Variants in COL25A1 observed in about 807,000 individuals in gnomAD.
COL25A1 encodes collagen alpha-1(XXV) chain.
Under a neutral mutation model 128.4 loss-of-function variants are expected in COL25A1, and 103 were observed. That is an observed-to-expected ratio of 0.80 (90% CI 0.68 to 0.94). COL25A1 has a LOEUF of 0.94. Among genes scored for constraint, COL25A1 ranks in the 40% least tolerant of loss-of-function variants. The pLI is 0.00. For missense variants in COL25A1, 745 were observed against 840.0 expected (o/e 0.89, Z 1.40); for synonymous variants, 279 against 277.2 (o/e 1.01, Z -0.06).
At position 109,048,697 on chromosome 4, in the gene COL25A1, A is replaced by G. The variant is rs540686269; in HGVS notation, c.413-522T>C. Among the ~76,000 whole-genome samples the G allele has an allele frequency of 3.3e-5, 5 of 152,318 alleles. No individual in the cohort carries two copies. In the South Asian group the frequency reaches 1.0e-3, roughly 32 times the overall value. ...AAAACCATCAAAACAGGCAAAGTCT[A>G]AGACAATTTTAAATATTTCACACAC... On this transcript the variant is annotated intron_variant, in intron 4 of 37. Transcript: ENST00000399132.
At chr4:109,030,284 T>C (rs1758708766) in intron 5 of COL25A1, among the ~76,000 whole-genome samples, 1 of 152,170 alleles carries the variant, frequency 6.6e-6, no homozygotes, top group African/African-American at 2.4e-5. Context: ...TTAGAATTCA[T>C]GAATCCCCAC....
intron 3 of COL25A1, among the ~76,000 whole-genome samples, chr4:109,156,241 C>T (rs759546150): frequency 6.6e-6 from 1 of 152,210 alleles, no homozygotes; most frequent in Non-Finnish European, 1.5e-5. Context: ...TTCTCAAGCA[C>T]GTTGTCTTTT....
chr4:109,108,106 T>G (rs1386709530), intron 3 of COL25A1, among the ~76,000 whole-genome samples: 1 of 152,254 alleles, frequency 6.6e-6, no homozygotes, highest in Non-Finnish European at 1.5e-5. Flanking sequence ...TGTATACATG[T>G]GCCATGTTGG....
chr4:109,025,351 A>C (rs933772515), intron 5 of COL25A1, among the ~76,000 whole-genome samples: 1 of 152,176 alleles, frequency 6.6e-6, no homozygotes, highest in African/African-American at 2.4e-5. Context: ...ATATTGAGTA[A>C]TTTGGTTTCT....
intron 6 of COL25A1, among the ~76,000 whole-genome samples, chr4:109,004,804 G>C (rs1396522993): frequency 6.6e-6 from 1 of 152,138 alleles, no homozygotes; most frequent in Non-Finnish European, 1.5e-5. Flanking sequence ...AAAGCCTGCA[G>C]TACCGTGAGC....
chr4:108,813,731 T>C lies in COL25A1; in HGVS notation c.*196A>G. 1.8e-6 allele frequency: 1 copy of C among 541,028 alleles called. No individual in the cohort carries two copies. Among genetic ancestry groups the C allele is most frequent in the Non-Finnish European group, 3.3e-6 (1 of 298,966 alleles). The allele number at this position is 541,028 out of a possible 1,614,324, so 33.5% of individuals were successfully genotyped here. On this transcript the variant is annotated 3_prime_UTR_variant, in exon 38 of 38. Coordinates refer to ENST00000399132, the MANE Select transcript of COL25A1 (RefSeq NM_198721.4). Reference sequence around the variant, plus strand: ...ATACTGATCTATATTTTTTGCAGGATTCTCACTGGTTTCACAAATTGCCCA... The same window carrying C: ...ATACTGATCTATATTTTTTGCAGGACTCTCACTGGTTTCACAAATTGCCCA...
At position 108,941,396 on chromosome 4, in the gene COL25A1, A is replaced by G. The variant is rs1266046194; in HGVS notation, c.534T>C (p.Asp178=). 1 of 1,614,114 alleles carries G rather than the reference A, an allele frequency of 6.2e-7. No homozygotes were observed. ...TCAGGCGGCGTTTAATGAGCTGCTG[A>G]TCAGCAGAGAGAAACCCATGATTGA... ...PKINHGFLSA[D]QQLIKRRLIK... Residue 178 remains aspartate, a synonymous_variant, in exon 9 of 38, where the codon GAT becomes GAC. Transcript: ENST00000399132.
intron 3 of COL25A1, among the ~76,000 whole-genome samples, chr4:109,189,418 T>C (rs981097538): frequency 1.6e-4 from 24 of 151,776 alleles, no homozygotes; most frequent in African/African-American, 4.4e-4. Context: ...TGTGCTGGCA[T>C]GCACCTGTAA....
intron 31 of COL25A1, among the ~76,000 whole-genome samples, chr4:108,833,839 C>T (rs1477834617): frequency 6.6e-6 from 1 of 151,722 alleles, no homozygotes; most frequent in Non-Finnish European, 1.5e-5. Context: ...CTGTTAAGAA[C>T]CAAAGAAAAA....
intron 3 of COL25A1, among the ~76,000 whole-genome samples, chr4:109,100,336 T>C (rs912181528): frequency 2.6e-5 from 4 of 151,760 alleles, no homozygotes; most frequent in Non-Finnish European, 4.4e-5. Flanking sequence ...ATGAAAAACA[T>C]TTTCAAAATA....
intron 19 of COL25A1, among the ~76,000 whole-genome samples, chr4:108,876,149 A>G (rs919923968): frequency 6.6e-6 from 1 of 151,946 alleles, no homozygotes; most frequent in Non-Finnish European, 1.5e-5. Context: ...CAACATGGAC[A>G]TGTATACCTA....
chr4:108,844,053 C>T (rs1471111699), intron 30 of COL25A1, among the ~76,000 whole-genome samples: 1 of 152,136 alleles, frequency 6.6e-6, no homozygotes, highest in Admixed American at 6.5e-5. Flanking sequence ...CATGTGCCAC[C>T]ATGGCCAGTT....
At chr4:109,121,514 C>T (rs150655689) in intron 3 of COL25A1, among the ~76,000 whole-genome samples, 3 of 152,080 alleles carry the variant, frequency 2.0e-5, no homozygotes, top group African/African-American at 7.2e-5. Flanking sequence ...GACAACTAAA[C>T]ATATGAAAAT....
intron 30 of COL25A1, among the ~76,000 whole-genome samples, chr4:108,842,552 C>T (rs998444415): frequency 6.6e-6 from 1 of 152,188 alleles, no homozygotes; most frequent in East Asian, 1.9e-4. Context: ...TATAAAACTG[C>T]AGGAAAAAGT....
intron 3 of COL25A1, among the ~76,000 whole-genome samples, chr4:109,277,518 GTATC>G (rs1414071498): frequency 6.6e-6 from 1 of 152,168 alleles, no homozygotes; most frequent in African/African-American, 2.4e-5. Context: ...TCTTCTGAAA[GTATC>G]TAGCAACTAA....
intron 3 of COL25A1, among the ~76,000 whole-genome samples, chr4:109,248,822 T>C (rs1445411329): frequency 6.6e-6 from 1 of 152,112 alleles, no homozygotes; most frequent in Middle Eastern, 3.2e-3. Flanking sequence ...GAAAGATGAA[T>C]GTAAGGAAAC....
At position 109,154,319 on chromosome 4, in the gene COL25A1, C is replaced by A. The variant is rs188487920; in HGVS notation, c.368-104140G>T. On this transcript the variant is annotated intron_variant, in intron 3 of 37. Transcript: ENST00000399132. ...AGAATCTTTAAGAATACAGAACAGA[C>A]AAAAACAACCATCTGTCTTCTACAG... Among the ~76,000 whole-genome samples the A allele has an allele frequency of 3.3e-3, 508 of 152,226 alleles. 5 individuals carry two copies. The highest frequency in any genetic ancestry group is 0.011 in the African/African-American group (470 of 41,530).
At chr4:108,881,706 C>G (rs1740148089) in intron 19 of COL25A1, among the ~76,000 whole-genome samples, 2 of 152,120 alleles carry the variant, frequency 1.3e-5, no homozygotes, top group Non-Finnish European at 2.9e-5. Context: ...AAGCCTTTAG[C>G]TCTACATTTA....
At chr4:108,853,509 A>C (rs1286643668) in intron 24 of COL25A1, among the ~76,000 whole-genome samples, 4 of 151,806 alleles carry the variant, frequency 2.6e-5, no homozygotes, top group Admixed American at 2.6e-4. Context: ...TGAGTTTTTA[A>C]AATTTATTGA....
Sources: allele counts gnomAD v4.1 joint callset (sites outside exome capture counted in the v4.1 genomes callset), GRCh38; gene constraint gnomAD v4.1.1; transcripts MANE v1.5; gene names NCBI Gene and HGNC (gene_info 2026-07-23, HGNC 2026-07-21).